The following EXD3 variants were observed in gnomAD, a reference collection of about 807,000 sequenced individuals.
EXD3 encodes exonuclease mut-7 homolog.
Under a neutral mutation model 98.0 loss-of-function variants are expected in EXD3, and 92 were observed. That is an observed-to-expected ratio of 0.94 (90% CI 0.79 to 1.12). The LOEUF (loss-of-function observed/expected upper bound fraction) is 1.12. Among genes scored for constraint, EXD3 ranks in the 50% most tolerant of loss-of-function variants. EXD3 has a pLI of 0.00. For synonymous variants in EXD3, 569 were observed against 526.0 expected (o/e 1.08, Z -1.12); for missense variants, 1,222 against 1,191.6 (o/e 1.03, Z -0.38).
At chr9:137,336,463 C>G (rs930137713) in intron 17 of EXD3, among the ~76,000 whole-genome samples, 2 of 152,092 alleles carry the variant, frequency 1.3e-5, no homozygotes, top group African/African-American at 2.4e-5. Flanking sequence ...GAGATCGACA[C>G]CAGCCTGGCC....
In EXD3 at chr9:137,330,589, C is replaced by T. The variant is rs372649693; in HGVS notation, c.1999-6446G>A. Among the ~76,000 whole-genome samples the T allele has an allele frequency of 1.3e-3, 88 of 69,976 alleles. 3 individuals carry two copies. Among genetic ancestry groups the T allele is most frequent in the South Asian group, 3.2e-3 (6 of 1,872 alleles). The allele number at this position is 69,976 out of a possible 152,430, so 45.9% of individuals were successfully genotyped here. ...TCCACAGGAGCTACACAGGACTACA[C>T]AGGACTACACAGGACTACACAGGAC... On this transcript the variant is annotated intron_variant, in intron 17 of 21. Transcript: ENST00000340951.
chr9:137,391,873 T>A lies in EXD3; in HGVS notation c.55+3430A>T, dbSNP rs573340368. 3.3e-5 allele frequency: 5 copies of A among 152,372 alleles called. No individual in the cohort carries two copies. The East Asian group carries it at 9.6e-4, about 29-fold the overall frequency. The allele number at this position is 152,372 out of a possible 1,614,324, so 9.4% of individuals were successfully genotyped here. ...CTCTGTTCCCCAGGCTGGAGTGCAA[T>A]GACACAACCTCGGATAACTGTAACC... is the stretch of plus-strand genomic sequence containing the variant. On this transcript the variant is annotated intron_variant, in intron 2 of 21. Transcript: ENST00000340951.
chr9:137,370,547 G>A (rs1002600968), intron 5 of EXD3, among the ~76,000 whole-genome samples: 3 of 151,890 alleles, frequency 2.0e-5, no homozygotes, highest in East Asian at 1.9e-4. Flanking sequence ...TCCAGCTGGC[G>A]GGGTCGGGGT....
chr9:137,380,826 A>G (rs1836222063), intron 3 of EXD3, among the ~76,000 whole-genome samples: 2 of 148,962 alleles, frequency 1.3e-5, no homozygotes, highest in South Asian at 2.2e-4. Flanking sequence ...GGCTGTTAGG[A>G]TAGGACCACC....
chr9:137,418,771 A>G (rs1449720262), intron 1 of EXD3, among the ~76,000 whole-genome samples: 3 of 151,924 alleles, frequency 2.0e-5, no homozygotes, highest in Non-Finnish European at 2.9e-5. Flanking sequence ...GTAAACAGAA[A>G]AAAAAAAAGG....
intron 19 of EXD3, among the ~76,000 whole-genome samples, chr9:137,317,511 C>T (rs1331960175): frequency 1.3e-5 from 2 of 152,138 alleles, no homozygotes; most frequent in Non-Finnish European, 2.9e-5. Context: ...CCAGGTCCTC[C>T]ATCCCCAGGG....
intron 3 of EXD3, among the ~76,000 whole-genome samples, chr9:137,375,467 C>G (rs1036067596): frequency 6.6e-6 from 1 of 151,940 alleles, no homozygotes; most frequent in Non-Finnish European, 1.5e-5. Flanking sequence ...CGAGTTCTAA[C>G]TCTAGCGAGT....
intron 17 of EXD3, among the ~76,000 whole-genome samples, chr9:137,340,151 A>G (rs538424047): frequency 1.3e-5 from 2 of 152,340 alleles, no homozygotes; most frequent in East Asian, 1.9e-4. Context: ...ATCTAAGAAA[A>G]GACATGCAAG....
chr9:137,396,248 G>A (rs1176333444), intron 1 of EXD3, among the ~76,000 whole-genome samples: 4 of 152,156 alleles, frequency 2.6e-5, no homozygotes, highest in East Asian at 1.9e-4. Flanking sequence ...GACTACAGGC[G>A]TGAGCCACCG....
At chr9:137,338,589 T>A (rs1833482992) in intron 17 of EXD3, among the ~76,000 whole-genome samples, 1 of 152,008 alleles carries the variant, frequency 6.6e-6, no homozygotes, top group South Asian at 2.1e-4. Context: ...CTGGTTATTT[T>A]AAAAGGCAGT....
rs149509120 is a variant in EXD3, at chr9:137,374,442, C to T, written c.121-843G>A. 2.1e-3 allele frequency: 1,079 copies of T among 504,922 alleles called. 1 individual carries two copies. Among genetic ancestry groups the T allele is most frequent in the Non-Finnish European group, 2.6e-3 (1,012 of 390,834 alleles). The allele number at this position is 504,922 out of a possible 1,614,324, so 31.3% of individuals were successfully genotyped here. A position where few individuals can be genotyped will look rare whatever the true frequency, so the allele number is the denominator to read the frequency against. On this transcript the variant is annotated intron_variant, in intron 3 of 21. Coordinates refer to ENST00000340951, the MANE Select transcript of EXD3 (RefSeq NM_017820.5). The stretch of plus-strand genomic sequence containing the variant: ...GTGGGCCGCGCTGTTCTCGTCCCTG[C>T]GATGTGGATGGTGTGCTCTCCACGG...
chr9:137,355,555 A>T (rs71485016), intron 8 of EXD3, among the ~76,000 whole-genome samples: 110 of 44,830 alleles, frequency 2.5e-3, no homozygotes, highest in Admixed American at 9.0e-3. Context: ...GGAAGGAGGA[A>T]GGAGGAAGGG....
chr9:137,351,238 G>A, intron 13 of EXD3, 80 bp downstream of exon 13: 1 of 1,537,642 alleles, frequency 6.5e-7, no homozygotes, highest in Non-Finnish European at 8.8e-7. Context: ...CCTCCCCGGG[G>A]CACACGGAGG....
chr9:137,308,200 C>G (rs773097063), intron 20 of EXD3, among the ~76,000 whole-genome samples: 1 of 152,134 alleles, frequency 6.6e-6, no homozygotes, highest in Admixed American at 6.5e-5. Flanking sequence ...GCACGGTAGC[C>G]GAGGGAACAC....
chr9:137,319,030 A>G (rs1176958342), intron 19 of EXD3, among the ~76,000 whole-genome samples: 1 of 152,230 alleles, frequency 6.6e-6, no homozygotes, highest in African/African-American at 2.4e-5. Context: ...AGAAAATGGA[A>G]AGTCAGCCCG....
chr9:137,349,633 C>A lies in EXD3; in HGVS notation c.1495-102G>T. On this transcript the variant is annotated intron_variant, in intron 14 of 21. Coordinates refer to ENST00000340951, the MANE Select transcript of EXD3 (RefSeq NM_017820.5). This position sits in a 1 kb window ranked among gnomAD's most constrained non-coding sequence, Gnocchi z 7.4. Reference sequence around the variant, plus strand: ...CCTGCGGGGGCTCTGGAGGAGGCCCCGCCCCCTCCACCAGCGGCCCCCACA... The same window carrying A: ...CCTGCGGGGGCTCTGGAGGAGGCCCAGCCCCCTCCACCAGCGGCCCCCACA... 1 of 1,229,754 alleles carries A rather than the reference C, an allele frequency of 8.1e-7. No individual in the cohort carries two copies. Among genetic ancestry groups the A allele is most frequent in the African/African-American group, 1.6e-5 (1 of 64,410 alleles). 76.2% of individuals were successfully genotyped at this position (1,229,754 alleles called of 1,614,324 possible).
chr9:137,410,805 AG>A (rs1837959898), intron 1 of EXD3, among the ~76,000 whole-genome samples: 1 of 152,122 alleles, frequency 6.6e-6, no homozygotes, highest in Non-Finnish European at 1.5e-5. Flanking sequence ...GGGCAGGGCG[AG>A]GGCTGTGTCC....
intron 3 of EXD3, among the ~76,000 whole-genome samples, chr9:137,379,275 G>A (rs368574385): frequency 7.4e-5 from 5 of 67,386 alleles, no homozygotes; most frequent in Admixed American, 1.6e-4. Context: ...TGAGGGGTAC[G>A]GGGTTTGTGG....
chr9:137,379,477 C>T lies in EXD3; in HGVS notation c.120+3836G>A, dbSNP rs1485476367. On this transcript the variant is annotated intron_variant, in intron 3 of 21. Coordinates refer to ENST00000340951, the MANE Select transcript of EXD3 (RefSeq NM_017820.5). ...GAATGGGGCGTCTGTGTGAGGGGTACGGGGTTTGCGGGTGACGGTGACCGT... is the reference window on the plus strand; with the variant it reads ...GAATGGGGCGTCTGTGTGAGGGGTATGGGGTTTGCGGGTGACGGTGACCGT... Among the ~76,000 whole-genome samples, 6 of 119,802 alleles carry T rather than the reference C, an allele frequency of 5.0e-5. No individual in the cohort carries two copies. The South Asian group carries it at 1.1e-3, about 22-fold the overall frequency. 78.6% of individuals were successfully genotyped at this position (119,802 alleles called of 152,430 possible).
Sources: gnomAD v4.1 joint callset for allele counts (sites outside exome capture counted in the v4.1 genomes callset) on GRCh38, gnomAD v4.1.1 for gene constraint, Gnocchi (gnomAD v3.1) non-coding constraint, MANE v1.5 for transcripts, NCBI Gene and HGNC (gene_info 2026-07-23, HGNC 2026-07-21) for gene names.